The following DNAAF6 variants were observed in gnomAD, a reference collection of about 807,000 sequenced individuals.
DNAAF6 encodes the protein dynein axonemal assembly factor 6.
Under a neutral mutation model 13.7 loss-of-function variants are expected in DNAAF6, and 3 were observed. The observed-to-expected ratio is 0.22, with a 90% CI of 0.10 to 0.56. DNAAF6 has a LOEUF of 0.56. DNAAF6 is among the 20% of genes least tolerant of loss of function. The pLI, the probability that DNAAF6 is intolerant of heterozygous loss-of-function variation, is 0.92. For synonymous variants in DNAAF6, 54 were observed against 49.2 expected, an observed-to-expected ratio of 1.10 and a Z score of -0.41; for missense variants, 130 against 151.0, an observed-to-expected ratio of 0.86 and a Z score of 0.73.
At chrX:107,212,028 T>A (rs753459019) in intron 1 of DNAAF6, among the ~76,000 whole-genome samples, 12 of 112,005 alleles carry the variant, frequency 1.1e-4, no homozygotes, top group Admixed American at 3.8e-4. Flanking sequence ...TTGGTATTAA[T>A]CAACTGCTGA....
At chrX:107,237,997 C>A (rs1386005945) in intron 5 of DNAAF6, among the ~76,000 whole-genome samples, 1 of 111,807 alleles carries the variant, frequency 8.9e-6, no homozygotes, top group Non-Finnish European at 1.9e-5. Flanking sequence ...AAAAACAAAA[C>A]AAAAACAAAA....
chrX:107,229,482 G>A (rs750930322), intron 5 of DNAAF6, among the ~76,000 whole-genome samples: 61 of 109,245 alleles, frequency 5.6e-4, no homozygotes, highest in African/African-American at 1.8e-3. Context: ...TTCTCACTGA[G>A]GAGTGAGGAA....
At chrX:107,211,906 A>T (rs1338570195) in intron 1 of DNAAF6, among the ~76,000 whole-genome samples, 5 of 112,200 alleles carry the variant, frequency 4.5e-5, no homozygotes. Flanking sequence ...TCCAAATAAA[A>T]AGAAAAATCC....
intron 5 of DNAAF6, among the ~76,000 whole-genome samples, chrX:107,232,775 C>T (rs1469660319): frequency 1.8e-5 from 2 of 111,075 alleles, no homozygotes; most frequent in African/African-American, 6.6e-5. Context: ...CAGGGTCTTG[C>T]TCTGTCACCC....
At chrX:107,231,407 T>C (rs908754944) in intron 5 of DNAAF6, among the ~76,000 whole-genome samples, 3 of 112,059 alleles carry the variant, frequency 2.7e-5, no homozygotes, top group African/African-American at 9.7e-5. Context: ...ATGGTTCTAG[T>C]GTTTCTTCAT....
At chrX:107,235,450 A>G (rs1379908038) in intron 5 of DNAAF6, among the ~76,000 whole-genome samples, 2 of 111,405 alleles carry the variant, frequency 1.8e-5, no homozygotes, top group Non-Finnish European at 3.8e-5. Flanking sequence ...CTACATTCTA[A>G]AAAAGGCATT....
At chrX:107,235,054 G>A (rs1444474153) in intron 5 of DNAAF6, among the ~76,000 whole-genome samples, 1 of 111,475 alleles carries the variant, frequency 9.0e-6, no homozygotes, top group Non-Finnish European at 1.9e-5. Flanking sequence ...AGCACATAGA[G>A]GACAATAAAT....
chrX:107,217,262 T>A (rs994555305), intron 3 of DNAAF6, among the ~76,000 whole-genome samples: 1 of 111,790 alleles, frequency 8.9e-6, no homozygotes, highest in African/African-American at 3.2e-5. Context: ...TTAGATCATT[T>A]TTTATTTTTT....
chrX:107,239,723 T>C (rs1275662607), intron 6 of DNAAF6, among the ~76,000 whole-genome samples: 1 of 112,076 alleles, frequency 8.9e-6, no homozygotes, highest in East Asian at 2.8e-4. Context: ...AGCTTAATCT[T>C]GGCTTCTATA....
chrX:107,242,090 G>C (rs1484954722), intron 6 of DNAAF6, among the ~76,000 whole-genome samples: 2 of 111,669 alleles, frequency 1.8e-5, no homozygotes, highest in East Asian at 2.8e-4. Context: ...AAATATTACA[G>C]TCTACATTAA....
chrX:107,229,812 G>A (rs1251534300), intron 5 of DNAAF6, among the ~76,000 whole-genome samples: 5 of 110,068 alleles, frequency 4.5e-5, no homozygotes, highest in African/African-American at 6.6e-5. Context: ...CTCAGGCTCC[G>A]GAGTAGCTGG....
At chrX:107,215,947 C>T (rs183110930) in intron 2 of DNAAF6, among the ~76,000 whole-genome samples, 1 of 111,498 alleles carries the variant, frequency 9.0e-6, no homozygotes, top group African/African-American at 3.3e-5. Flanking sequence ...ATGTGTTATA[C>T]TTAGTTGAAA....
chrX:107,208,107 T>C (rs1927754561), intron 1 of DNAAF6, among the ~76,000 whole-genome samples: 1 of 111,294 alleles, frequency 9.0e-6, no homozygotes. Flanking sequence ...TACCAAGGAT[T>C]TGCCTCTCCA....
chrX:107,230,967 T>C (rs1485213579), intron 5 of DNAAF6, among the ~76,000 whole-genome samples: 1 of 112,210 alleles, frequency 8.9e-6, no homozygotes. Context: ...TAATGAAATT[T>C]TACTTCTTCC....
intron 6 of DNAAF6, among the ~76,000 whole-genome samples, chrX:107,242,604 C>CA (rs937123293): frequency 2.7e-5 from 3 of 112,662 alleles, no homozygotes; most frequent in African/African-American, 9.7e-5. Context: ...CTATAAACCA[C>CA]AAAATAAACC....
intron 5 of DNAAF6, among the ~76,000 whole-genome samples, chrX:107,231,279 A>C (rs1928389198): frequency 9.0e-6 from 1 of 111,558 alleles, no homozygotes; most frequent in Non-Finnish European, 1.9e-5. Context: ...AAACAATTGA[A>C]CTCATGGACA....
At chrX:107,226,854 A>C (rs1329278659) in intron 5 of DNAAF6, among the ~76,000 whole-genome samples, 1 of 111,518 alleles carries the variant, frequency 9.0e-6, no homozygotes, top group Non-Finnish European at 1.9e-5. Context: ...CTAGGATATG[A>C]TTCTTCCCCC....
chrX:107,212,464 T>C (rs1927877895), intron 1 of DNAAF6, among the ~76,000 whole-genome samples: 3 of 111,642 alleles, frequency 2.7e-5, no homozygotes, highest in Non-Finnish European at 3.8e-5. Flanking sequence ...CTTTCTGCCC[T>C]GAAGCACTGC....
chrX:107,226,210 T>C (rs138474792), intron 5 of DNAAF6, among the ~76,000 whole-genome samples: 89 of 112,167 alleles, frequency 7.9e-4, no homozygotes, highest in African/African-American at 2.8e-3. Flanking sequence ...AATGGAAGAA[T>C]AATAAGAAAT....
Sources: gnomAD v4.1 joint callset for allele counts (sites outside exome capture counted in the v4.1 genomes callset) on GRCh38, gnomAD v4.1.1 for gene constraint, MANE v1.5 for transcripts, NCBI Gene and HGNC (gene_info 2026-07-23, HGNC 2026-07-21) for gene names.